The following ALPK2 variants were observed in gnomAD, a reference collection of about 807,000 sequenced individuals.
ALPK2 encodes alpha kinase 2.
In ALPK2, 127 loss-of-function variants were observed where a neutral mutation model predicts 163.1. The ratio of observed to expected loss-of-function variants is 0.78; its 90% CI spans 0.67 to 0.90. ALPK2 has a LOEUF of 0.90. ALPK2 is among the 40% of genes least tolerant of loss of function. ALPK2 has a pLI of 0.00. For missense variants in ALPK2, 2,360 were observed against 2,589.6 expected (o/e 0.91, Z 1.92); for synonymous variants, 953 against 959.1 (o/e 0.99, Z 0.12).
rs62094747 is a variant in ALPK2 at position 58,523,432 on chromosome 18, T to C, written c.5665+374A>G. On this transcript the variant is annotated intron_variant, in intron 8 of 12. Transcript: ENST00000361673. The stretch of plus-strand genomic sequence containing the variant: ...TATAGTCCTTTGGGTATATACCCAG[T>C]AATGGGATGGCTGGGTCAAATGGTA... Among the ~76,000 whole-genome samples the C allele has an allele frequency of 2.1e-3, 325 of 152,300 alleles. 1 individual carries two copies. Among genetic ancestry groups the C allele is most frequent in the South Asian group, 1.7e-3 (8 of 4,818 alleles).
At chr18:58,500,476 A>C (rs530186341) in intron 11 of ALPK2, among the ~76,000 whole-genome samples, 77 of 152,378 alleles carry the variant, frequency 5.1e-4, no homozygotes, top group African/African-American at 1.7e-3. Flanking sequence ...TCCCCCTGTC[A>C]GTTTAATGAT....
chr18:58,552,036 C>T (rs186622640), intron 4 of ALPK2, among the ~76,000 whole-genome samples: 25 of 152,232 alleles, frequency 1.6e-4, no homozygotes, highest in African/African-American at 5.8e-4. Context: ...TTTTCCCACC[C>T]AACCCCATCA....
At chr18:58,627,647 A>G (rs112166741) in intron 1 of ALPK2, among the ~76,000 whole-genome samples, 356 of 152,260 alleles carry the variant, frequency 2.3e-3, no homozygotes, top group African/African-American at 8.3e-3. Context: ...CAAACAAACA[A>G]AACAAAACAA....
At chr18:58,601,388 A>G (rs1203971458) in intron 3 of ALPK2, among the ~76,000 whole-genome samples, 1 of 152,254 alleles carries the variant, frequency 6.6e-6, no homozygotes, top group Non-Finnish European at 1.5e-5. Context: ...ACAGATTACA[A>G]AATCTGGCTA....
chr18:58,612,043 G>A (rs1050699933), intron 1 of ALPK2, among the ~76,000 whole-genome samples: 4 of 152,114 alleles, frequency 2.6e-5, no homozygotes, highest in African/African-American at 7.2e-5. Flanking sequence ...ATATTTAGCC[G>A]CATGCCTGGC....
chr18:58,499,047 G>A (rs1158430211), intron 11 of ALPK2, among the ~76,000 whole-genome samples: 4 of 152,012 alleles, frequency 2.6e-5, no homozygotes, highest in East Asian at 1.9e-4. Flanking sequence ...GTTAGACCCC[G>A]GGAAACAATC....
At chr18:58,554,277 G>A (rs987088970) in intron 4 of ALPK2, among the ~76,000 whole-genome samples, 4 of 152,212 alleles carry the variant, frequency 2.6e-5, no homozygotes, top group African/African-American at 9.6e-5. Flanking sequence ...GTAGATCTAT[G>A]TGGAAGACAA....
Position 58,521,319 on chromosome 18 carries a change from C to G in ALPK2, c.5665+2487G>C, listed in dbSNP as rs1438456012. Among the ~76,000 whole-genome samples the G allele has an allele frequency of 7.2e-5, 11 of 152,278 alleles. No homozygotes were observed. The East Asian group carries it at 2.1e-3, about 29-fold the overall frequency. ...TCATGCACACCTAAACCAATGAAAC[C>G]TAACAAGTGTCTGAGATGTGAATGC... On this transcript the variant is annotated intron_variant, in intron 8 of 12. Transcript: ENST00000361673.
intron 4 of ALPK2, among the ~76,000 whole-genome samples, chr18:58,568,165 C>T (rs1243789553): frequency 6.6e-6 from 1 of 152,128 alleles, no homozygotes; most frequent in African/African-American, 2.4e-5. Context: ...TCCCCAAAGC[C>T]CTTACACTTT....
At position 58,535,363 on chromosome 18, in the gene ALPK2, G is replaced by T; in HGVS notation, c.4824C>A (p.Phe1608Leu). Reference protein sequence around the residue: ...PLPSSPDLTRFPCTSSPEGNV... With the variant: ...PLPSSPDLTRLPCTSSPEGNV... ...TTCCTTCAGGAGATGAAGTACAAGGGAACCTGGTAAGATCAGGAGAAGAGG... is the reference window on the plus strand; with the variant it reads ...TTCCTTCAGGAGATGAAGTACAAGGTAACCTGGTAAGATCAGGAGAAGAGG... The change falls in exon 5 of 13, where the codon TTC (phenylalanine) becomes TTA (leucine). Residue 1608 changes from phenylalanine (F) to leucine (L), a missense_variant. Transcript: ENST00000361673. The T allele has an allele frequency of 6.2e-7, 1 of 1,614,168 alleles. No homozygotes were observed. Among genetic ancestry groups the T allele is most frequent in the Non-Finnish European group, 8.5e-7 (1 of 1,180,030 alleles).
chr18:58,624,295 C>T (rs7244845), intron 1 of ALPK2, among the ~76,000 whole-genome samples: 5,525 of 152,248 alleles, frequency 0.036, 309 homozygotes, highest in African/African-American at 0.12. Context: ...ATCTTGAGAC[C>T]GTGCTAAAGC....
intron 3 of ALPK2, among the ~76,000 whole-genome samples, chr18:58,602,626 T>C (rs1425382360): frequency 6.6e-6 from 1 of 152,166 alleles, no homozygotes; most frequent in Non-Finnish European, 1.5e-5. Flanking sequence ...GTCATTGAAT[T>C]AGGACCCACC....
intron 4 of ALPK2, among the ~76,000 whole-genome samples, chr18:58,545,499 A>C (rs573263162): frequency 1.1e-3 from 172 of 152,326 alleles, no homozygotes; most frequent in African/African-American, 3.4e-3. Context: ...AAAGGGCCTT[A>C]GGCAAGGTGA....
At chr18:58,578,736 A>ACACACACGCGCGCACGTGCGCGCG in intron 4 of ALPK2, 78 bp downstream of exon 4, 2 of 760,694 alleles carry the variant, frequency 2.6e-6, no homozygotes, top group South Asian at 3.9e-5. Flanking sequence ...AGGAAGAGAC[A>ACACACACGCGCGCACGTGCGCGCG]CACACACACA....
At chr18:58,490,117 T>C (rs1458735933) in intron 12 of ALPK2, among the ~76,000 whole-genome samples, 1 of 152,108 alleles carries the variant, frequency 6.6e-6, no homozygotes, top group Non-Finnish European at 1.5e-5. Context: ...TTATTCAACC[T>C]AGGGTTTCCC....
rs115504253 is a variant in ALPK2 at position 58,555,570 on chromosome 18, A to G, written c.1963-17346T>C. 4.9e-3 allele frequency among the ~76,000 whole-genome samples: 746 copies of G among 152,346 alleles called. 6 individuals carry two copies. Among genetic ancestry groups the G allele is most frequent in the African/African-American group, 0.017 (716 of 41,588 alleles). Reference sequence around the variant, plus strand: ...TATTACTATTTATTGAATTGTTATAAAGTCTACCTACTCTGGAAATGTCCT... The same window carrying G: ...TATTACTATTTATTGAATTGTTATAGAGTCTACCTACTCTGGAAATGTCCT... On this transcript the variant is annotated intron_variant, in intron 4 of 12. Transcript: ENST00000361673.
intron 12 of ALPK2, among the ~76,000 whole-genome samples, chr18:58,493,938 T>C (rs542056135): frequency 6.6e-6 from 1 of 152,306 alleles, no homozygotes; most frequent in South Asian, 2.1e-4. Flanking sequence ...AAATTGGCTT[T>C]TTAGGGGAGA....
chr18:58,578,740 A>ACGCGCGCACGCGCGCGCG (rs1555673996), intron 4 of ALPK2, 74 bp downstream of exon 4: 2 of 1,118,760 alleles, frequency 1.8e-6, no homozygotes, highest in African/African-American at 3.1e-5. Context: ...AGAGACACAC[A>ACGCGCGCACGCGCGCGCG]CACACACACA....
At chr18:58,601,989 C>A (rs1023817682) in intron 3 of ALPK2, among the ~76,000 whole-genome samples, 1 of 152,178 alleles carries the variant, frequency 6.6e-6, no homozygotes. Context: ...GATGCAGTAG[C>A]ACCCCACCCC....
Sources: allele counts gnomAD v4.1 joint callset (sites outside exome capture counted in the v4.1 genomes callset), GRCh38; gene constraint gnomAD v4.1.1; transcripts MANE v1.5; gene names NCBI Gene and HGNC (gene_info 2026-07-23, HGNC 2026-07-21).